The following ATG7 variants were observed in gnomAD, a reference collection of about 807,000 sequenced individuals.
The protein encoded by ATG7 is ubiquitin-like modifier-activating enzyme ATG7.
In ATG7, 70 loss-of-function variants were observed where a neutral mutation model predicts 82.4. That is an observed-to-expected ratio of 0.85 (90% CI 0.70 to 1.04). ATG7 has a LOEUF of 1.04. Among genes scored for constraint, ATG7 ranks in the 50% least tolerant of loss-of-function variants. The pLI is 0.00. For synonymous variants in ATG7, 287 were observed against 313.0 expected, an observed-to-expected ratio of 0.92 and a Z score of 0.88; for missense variants, 792 against 864.3, an observed-to-expected ratio of 0.92 and a Z score of 1.05.
At chr3:11,414,412 G>C (rs2081190052) in intron 19 of ATG7, among the ~76,000 whole-genome samples, 1 of 152,180 alleles carries the variant, frequency 6.6e-6, no homozygotes, top group Admixed American at 6.6e-5. Flanking sequence ...GTATCCTGCA[G>C]TGTTGCTGTG....
chr3:11,548,228 G>T (rs1194669998), intron 20 of ATG7, among the ~76,000 whole-genome samples: 1 of 151,894 alleles, frequency 6.6e-6, no homozygotes, highest in Non-Finnish European at 1.5e-5. Context: ...TCTTAAAGAT[G>T]GGGTCTCACT....
chr3:11,570,786 T>G, the ATG7 span, among the ~76,000 whole-genome samples: 10 of 152,290 alleles, frequency 6.6e-5, no homozygotes, highest in African/African-American at 1.9e-4. Context: ...TCTGTTGTCC[T>G]CCTCACCTCC....
chr3:11,371,943 G>T (rs1451642927), intron 18 of ATG7, among the ~76,000 whole-genome samples: 1 of 151,310 alleles, frequency 6.6e-6, no homozygotes, highest in Non-Finnish European at 1.5e-5. Context: ...CGGACCACAC[G>T]CTGTCCAGCT....
At chr3:11,430,314 T>C (rs2082754593) in intron 20 of ATG7, among the ~76,000 whole-genome samples, 1 of 152,140 alleles carries the variant, frequency 6.6e-6, no homozygotes. Flanking sequence ...GCAAAATATA[T>C]AAATATATGT....
At chr3:11,452,354 C>CAGTCTGG (rs926300918) in intron 20 of ATG7, among the ~76,000 whole-genome samples, 1 of 119,672 alleles carries the variant, frequency 8.4e-6, no homozygotes, top group Non-Finnish European at 1.6e-5. Context: ...CACTACACCC[C>CAGTCTGG]AGTCTGGGCG....
chr3:11,447,458 C>T (rs891897052), intron 20 of ATG7, among the ~76,000 whole-genome samples: 1 of 150,212 alleles, frequency 6.7e-6, no homozygotes, highest in African/African-American at 2.5e-5. Flanking sequence ...CAGTGCAAGA[C>T]TCCGTCTCAG....
intron 20 of ATG7, among the ~76,000 whole-genome samples, chr3:11,428,182 G>T (rs1199880342): frequency 6.6e-6 from 1 of 152,214 alleles, no homozygotes; most frequent in Admixed American, 6.5e-5. Context: ...TCAAATGATT[G>T]CATGGGTGCA....
chr3:11,547,007 C>T (rs985501103), intron 20 of ATG7, among the ~76,000 whole-genome samples: 2 of 152,238 alleles, frequency 1.3e-5, no homozygotes, highest in Admixed American at 6.5e-5. Flanking sequence ...CTGGCCTGTC[C>T]TTTCGGCTGC....
chr3:11,379,235 T>G (rs746653554), intron 18 of ATG7, among the ~76,000 whole-genome samples: 5 of 152,222 alleles, frequency 3.3e-5, no homozygotes, highest in Non-Finnish European at 5.9e-5. Context: ...AGTTTAGAGA[T>G]GTTACCATTC....
intron 20 of ATG7, among the ~76,000 whole-genome samples, chr3:11,428,252 G>A (rs988969811): frequency 2.0e-5 from 3 of 152,222 alleles, no homozygotes; most frequent in African/African-American, 7.2e-5. Flanking sequence ...GCCCCAAGTT[G>A]TCAATGAATA....
In ATG7 at chr3:11,358,589, G is replaced by A. The variant is rs376459821; in HGVS notation, c.1456G>A (p.Val486Ile). Reference sequence around the variant, plus strand: ...CAGGGAGAGCCGGTGGCTTCCTGCCGTCATTGCTGCAAGCAAGAGAAAGGT... The same window carrying A: ...CAGGGAGAGCCGGTGGCTTCCTGCCATCATTGCTGCAAGCAAGAGAAAGGT... Reference protein sequence around the residue: ...DTRESRWLPAVIAASKRKLVI... With the variant: ...DTRESRWLPAIIAASKRKLVI... Residue 486 changes from valine to isoleucine, a missense_variant, in exon 15 of 21, where the codon GTC (valine) becomes ATC (isoleucine). Val to Ile is a conservative substitution (Grantham distance 29, BLOSUM62 3). Transcript: ENST00000693202. 8.4e-5 allele frequency: 136 copies of A among 1,613,446 alleles called. No homozygotes were observed. Among genetic ancestry groups the A allele is most frequent in the Admixed American group, 2.2e-4 (13 of 59,986 alleles).
At chr3:11,336,947 A>G (rs941436332) in intron 11 of ATG7, among the ~76,000 whole-genome samples, 2 of 152,210 alleles carry the variant, frequency 1.3e-5, no homozygotes, top group African/African-American at 4.8e-5. Context: ...TGCTGGGACT[A>G]CAGGTGTGAG....
rs187004557 is a variant in ATG7 at position 11,516,889 on chromosome 3, C to T, written c.2080-37922C>T. 2.6e-5 allele frequency among the ~76,000 whole-genome samples: 4 copies of T among 152,012 alleles called. No homozygotes were observed. In the East Asian group the frequency reaches 7.8e-4, roughly 29 times the overall value. On this transcript the variant is annotated intron_variant, in intron 20 of 20. Coordinates refer to ENST00000693202, the MANE Select transcript of ATG7 (RefSeq NM_001349232.2). ...CTTGAGGTCAGGAATTCAACAACAC[C>T]CTGGCCAACATGATGAAACCCCGTC...
intron 18 of ATG7, among the ~76,000 whole-genome samples, chr3:11,375,923 G>A (rs376532219): frequency 1.3e-5 from 2 of 152,266 alleles, no homozygotes; most frequent in African/African-American, 4.8e-5. Flanking sequence ...TTAAACAGTC[G>A]TCATATGACC....
At chr3:11,338,100 C>T (rs1380913903) in intron 11 of ATG7, among the ~76,000 whole-genome samples, 1 of 152,134 alleles carries the variant, frequency 6.6e-6, no homozygotes, top group Non-Finnish European at 1.5e-5. Context: ...CTGATCCTCT[C>T]CCTCCTCCCA....
chr3:11,530,666 C>T (rs1257858514), intron 20 of ATG7, among the ~76,000 whole-genome samples: 1 of 152,094 alleles, frequency 6.6e-6, no homozygotes, highest in Non-Finnish European at 1.5e-5. Flanking sequence ...CTCTTCAATC[C>T]TTCTTAATAA....
At chr3:11,313,788 T>C (rs1003873334) in intron 8 of ATG7, among the ~76,000 whole-genome samples, 2 of 152,074 alleles carry the variant, frequency 1.3e-5, no homozygotes, top group African/African-American at 2.4e-5. Flanking sequence ...TTAATAGATA[T>C]GGGGTTTTGC....
intron 18 of ATG7, among the ~76,000 whole-genome samples, chr3:11,372,164 T>G (rs1874957): frequency 0.041 from 6,262 of 151,382 alleles, 678 homozygotes; most frequent in African/African-American, 0.14. Context: ...TTGGCCCTTT[T>G]GGGCCTGGGG....
intron 14 of ATG7, among the ~76,000 whole-genome samples, chr3:11,350,960 A>G (rs1008458578): frequency 2.0e-5 from 3 of 147,844 alleles, no homozygotes; most frequent in Non-Finnish European, 3.0e-5. Context: ...CAGTGATCCA[A>G]TCTATCGTTG....
Sources: gnomAD v4.1 joint callset for allele counts (sites outside exome capture counted in the v4.1 genomes callset) on GRCh38, gnomAD v4.1.1 for gene constraint, MANE v1.5 for transcripts, NCBI Gene and HGNC (gene_info 2026-07-23, HGNC 2026-07-21) for gene names.